Variants in TAF4B observed in about 807,000 individuals in gnomAD.
The protein encoded by TAF4B is TATA-box binding protein associated factor 4b, also known as transcription initiation factor TFIID subunit 4B.
In TAF4B, 38 loss-of-function variants were observed where a neutral mutation model predicts 86.4. That is an observed-to-expected ratio of 0.44 (90% CI 0.34 to 0.58). The LOEUF (loss-of-function observed/expected upper bound fraction) is 0.58. TAF4B is among the 20% of genes least tolerant of loss of function. The pLI, the probability that TAF4B is intolerant of heterozygous loss-of-function variation, is 0.02. For missense variants in TAF4B, 988 were observed against 1,027.6 expected (o/e 0.96, Z 0.53); for synonymous variants, 388 against 391.2 (o/e 0.99, Z 0.10).
chr18:26,377,396 A>G (rs2057449656), intron 14 of TAF4B, among the ~76,000 whole-genome samples: 1 of 152,152 alleles, frequency 6.6e-6, no homozygotes, highest in Non-Finnish European at 1.5e-5. Context: ...TCTTAGCACT[A>G]GGCATATATG....
At chr18:26,363,019 G>A (rs1445489842) in intron 14 of TAF4B, among the ~76,000 whole-genome samples, 9 of 152,078 alleles carry the variant, frequency 5.9e-5, no homozygotes, top group South Asian at 2.1e-4. Flanking sequence ...GAAGATATGC[G>A]TAGGTTACAT....
chr18:26,264,386 A>G (rs1208987500), intron 1 of TAF4B, among the ~76,000 whole-genome samples: 1 of 152,236 alleles, frequency 6.6e-6, no homozygotes, highest in Non-Finnish European at 1.5e-5. Context: ...GGTTGCAGTG[A>G]GCCAAGATCG....
At chr18:26,240,033 CTTTGTTCT>C (rs2055813154) in intron 1 of TAF4B, among the ~76,000 whole-genome samples, 1 of 152,176 alleles carries the variant, frequency 6.6e-6, no homozygotes, top group Non-Finnish European at 1.5e-5. Context: ...ATGCCTCCAG[CTTTGTTCT>C]TTTGGCTTAT....
At chr18:26,227,305 C>T (rs1484593115) in intron 1 of TAF4B, 29 bp downstream of exon 1, 1 of 1,594,370 alleles carries the variant, frequency 6.3e-7, no homozygotes, top group Non-Finnish European at 8.5e-7. Flanking sequence ...CCAGCCTTGT[C>T]TGTCGGTCCA....
At chr18:26,355,040 G>A (rs944846817) in intron 13 of TAF4B, among the ~76,000 whole-genome samples, 4 of 152,004 alleles carry the variant, frequency 2.6e-5, no homozygotes, top group African/African-American at 9.7e-5. Flanking sequence ...CTCTCCATTT[G>A]TTTATTTATT....
chr18:26,306,209 G>A (rs1337821132), intron 9 of TAF4B, among the ~76,000 whole-genome samples: 1 of 152,052 alleles, frequency 6.6e-6, no homozygotes, highest in Non-Finnish European at 1.5e-5. Context: ...GGGTACATAG[G>A]CGTATATTTA....
intron 9 of TAF4B, among the ~76,000 whole-genome samples, chr18:26,310,026 T>C (rs542898855): frequency 2.0e-4 from 31 of 152,250 alleles, no homozygotes; most frequent in Middle Eastern, 3.4e-3. Flanking sequence ...TTTCACCATA[T>C]TGGCCAGGTT....
At chr18:26,346,841 G>GTATATATATA (rs1567913980) in intron 13 of TAF4B, among the ~76,000 whole-genome samples, 10 of 16,060 alleles carry the variant, frequency 6.2e-4, no homozygotes, top group South Asian at 4.4e-3. Context: ...ATATATGTGT[G>GTATATATATA]TGTGTATATA....
chr18:26,299,179 A>G (rs975235206), intron 9 of TAF4B, among the ~76,000 whole-genome samples: 4 of 151,324 alleles, frequency 2.6e-5, no homozygotes, highest in Admixed American at 2.6e-4. Context: ...TTTCTTTTTT[A>G]AGGCACAGTG....
chr18:26,243,648 G>A (rs2055877225), intron 1 of TAF4B, among the ~76,000 whole-genome samples: 2 of 152,164 alleles, frequency 1.3e-5, no homozygotes, highest in African/African-American at 4.8e-5. Flanking sequence ...CGTTCCTTTG[G>A]AGGAGAAAAG....
chr18:26,256,041 G>A, intron 1 of TAF4B: 1 of 1,274,380 alleles, frequency 7.8e-7, no homozygotes, highest in East Asian at 2.3e-5. Context: ...TTACTGATAT[G>A]GTTGCTCTTT....
chr18:26,356,749 G>A (rs1388377600), intron 13 of TAF4B, among the ~76,000 whole-genome samples: 2 of 149,800 alleles, frequency 1.3e-5, no homozygotes, highest in African/African-American at 2.5e-5. Context: ...AAAAGCTTAG[G>A]GATTTATCTA....
intron 1 of TAF4B, among the ~76,000 whole-genome samples, chr18:26,244,705 T>TC (rs1455129327): frequency 1.3e-5 from 2 of 151,926 alleles, no homozygotes; most frequent in Admixed American, 6.6e-5. Context: ...TCTTGGAACC[T>TC]CCCCCCGAAA....
intron 14 of TAF4B, among the ~76,000 whole-genome samples, chr18:26,364,260 A>G (rs1256620448): frequency 2.0e-5 from 3 of 152,230 alleles, no homozygotes; most frequent in Admixed American, 1.3e-4. Flanking sequence ...TATTTATACC[A>G]TAAGCTTATT....
At chr18:26,272,390 A>G (rs561127261) in intron 3 of TAF4B, among the ~76,000 whole-genome samples, 196 of 152,248 alleles carry the variant, frequency 1.3e-3, no homozygotes, top group Non-Finnish European at 2.6e-3. Context: ...CCACAGACCT[A>G]TACCCGCCCG....
intron 9 of TAF4B, among the ~76,000 whole-genome samples, chr18:26,313,338 A>C (rs945303641): frequency 4.6e-5 from 7 of 152,184 alleles, no homozygotes; most frequent in African/African-American, 1.7e-4. Context: ...ATTTTGGTCC[A>C]TCTTTAGGCT....
chr18:26,258,855 C>G (rs755873668), intron 1 of TAF4B, among the ~76,000 whole-genome samples: 17 of 150,254 alleles, frequency 1.1e-4, no homozygotes, highest in Non-Finnish European at 1.0e-4. Flanking sequence ...CCACACTGGG[C>G]TACTTTTAAT....
intron 11 of TAF4B, among the ~76,000 whole-genome samples, chr18:26,323,524 TA>T (rs1207451606): frequency 3.0e-4 from 18 of 59,178 alleles, no homozygotes; most frequent in African/African-American, 9.0e-4. Context: ...CACACCCAAC[TA>T]ATTTTTTTTT....
In TAF4B at chr18:26,381,837, G is replaced by A. The variant is rs143647005; in HGVS notation, c.2422-8008G>A. ...TGCTATTGTTGTCACCTACTTTACT[G>A]CTACATATGTTCTAACCTCCCTGAT... On this transcript the variant is annotated intron_variant, in intron 14 of 14. Transcript: ENST00000269142. 7.0e-3 allele frequency among the ~76,000 whole-genome samples: 1,057 copies of A among 152,014 alleles called. 12 individuals are homozygous for A. Among genetic ancestry groups the A allele is most frequent in the African/African-American group, 0.024 (1,007 of 41,476 alleles).
Sources: allele counts gnomAD v4.1 joint callset (sites outside exome capture counted in the v4.1 genomes callset), GRCh38; gene constraint gnomAD v4.1.1; transcripts MANE v1.5; gene names NCBI Gene and HGNC (gene_info 2026-07-23, HGNC 2026-07-21).